The following GRIN2A variants were observed in gnomAD, a reference collection of about 807,000 sequenced individuals.
GRIN2A encodes glutamate ionotropic receptor NMDA type subunit 2A.
GRIN2A carries 22 observed loss-of-function variants against 113.4 expected under a neutral mutation model. The ratio of observed to expected loss-of-function variants is 0.19; its 90% CI spans 0.14 to 0.28. GRIN2A has a LOEUF of 0.28. Ranked by LOEUF, GRIN2A falls within the 10% of genes least tolerant of loss-of-function variation. GRIN2A has a pLI of 1.00. For synonymous variants in GRIN2A, 827 were observed against 738.4 expected (o/e 1.12, Z -1.94); for missense variants, 1,502 against 1,887.0 (o/e 0.80, Z 3.78).
In GRIN2A at chr16:9,801,760, C is replaced by T. The variant is rs1329168438; in HGVS notation, c.2169-3296G>A. ...TACACATTGGCATGACTGGGGTGGG[C>T]TGGTGGTCATGCTGTCAGAGGGGTC... On this transcript the variant is annotated intron_variant, in intron 10 of 12. Transcript: ENST00000330684. Among the ~76,000 whole-genome samples, 5 of 152,194 alleles carry T rather than the reference C, an allele frequency of 3.3e-5. No individual in the cohort carries two copies. In the East Asian group the frequency reaches 9.6e-4, roughly 29 times the overall value.
At chr16:10,045,535 G>A (rs549820904) in intron 2 of GRIN2A, among the ~76,000 whole-genome samples, 1 of 152,292 alleles carries the variant, frequency 6.6e-6, no homozygotes, top group Admixed American at 6.5e-5. Flanking sequence ...AATCCTGACT[G>A]ATCTTCTGCC....
chr16:9,798,488 G>A (rs529918738), intron 10 of GRIN2A, 24 bp from the exon 11 acceptor site: 6 of 1,606,808 alleles, frequency 3.7e-6, no homozygotes, highest in African/African-American at 2.7e-5. Context: ...AAACCAGGGG[G>A]TCATAGGGGT....
At chr16:10,093,844 C>T (rs2048233000) in intron 2 of GRIN2A, among the ~76,000 whole-genome samples, 1 of 152,120 alleles carries the variant, frequency 6.6e-6, no homozygotes, top group African/African-American at 2.4e-5. Context: ...GGCTTTTGCC[C>T]AGGGTGTCTA....
rs2047089877 is a variant in GRIN2A, at chr16:10,038,983, C to G, written c.415-100432G>C. ...AGTGTCACCTCCTCCAGGAAGCCCC[C>G]TGGCCCCCTCATCCCCCAAACAGCA... On this transcript the variant is annotated intron_variant, in intron 2 of 12. Transcript: ENST00000330684. Among the ~76,000 whole-genome samples, 4 of 152,290 alleles carry G rather than the reference C, an allele frequency of 2.6e-5. No homozygotes were observed. The South Asian group carries it at 8.3e-4, about 32-fold the overall frequency.
At chr16:9,906,029 C>A (rs1435877543) in intron 3 of GRIN2A, among the ~76,000 whole-genome samples, 2 of 152,180 alleles carry the variant, frequency 1.3e-5, no homozygotes, top group Non-Finnish European at 2.9e-5. Flanking sequence ...GCTAATCAGG[C>A]TTTATTTCTG....
intron 2 of GRIN2A, among the ~76,000 whole-genome samples, chr16:10,031,151 C>T (rs187881237): frequency 6.6e-6 from 1 of 152,292 alleles, no homozygotes; most frequent in East Asian, 1.9e-4. Flanking sequence ...TTCTCACCCT[C>T]TAAATAAAAT....
intron 2 of GRIN2A, among the ~76,000 whole-genome samples, chr16:9,990,561 G>GCACACACACACA (rs776273740): frequency 7.8e-6 from 1 of 128,678 alleles, no homozygotes; most frequent in Non-Finnish European, 1.7e-5. Context: ...GCGCGCGCGC[G>GCACACACACACA]CGCACACACA....
chr16:10,142,076 C>G (rs1386243564), intron 2 of GRIN2A, among the ~76,000 whole-genome samples: 7 of 152,186 alleles, frequency 4.6e-5, no homozygotes, highest in Non-Finnish European at 8.8e-5. Flanking sequence ...TTCTTCCAGG[C>G]TACCTGTTCT....
At chr16:10,026,982 G>A (rs112118109) in intron 2 of GRIN2A, among the ~76,000 whole-genome samples, 17 of 152,106 alleles carry the variant, frequency 1.1e-4, no homozygotes, top group African/African-American at 4.1e-4. Flanking sequence ...AAACCCCATC[G>A]CACCACCACC....
At chr16:10,098,723 T>A (rs1269265723) in intron 2 of GRIN2A, among the ~76,000 whole-genome samples, 1 of 152,110 alleles carries the variant, frequency 6.6e-6, no homozygotes, top group Non-Finnish European at 1.5e-5. Context: ...AACCAAACAT[T>A]GTATGTTCTC....
intron 2 of GRIN2A, among the ~76,000 whole-genome samples, chr16:10,102,996 C>T (rs1337644103): frequency 6.6e-6 from 1 of 152,184 alleles, no homozygotes; most frequent in Non-Finnish European, 1.5e-5. Flanking sequence ...TCTGTGCCAT[C>T]CCCTATGGTA....
intron 2 of GRIN2A, among the ~76,000 whole-genome samples, chr16:10,131,262 G>T (rs560291557): frequency 6.6e-6 from 1 of 152,254 alleles, no homozygotes; most frequent in African/African-American, 2.4e-5. Flanking sequence ...ATGTAGAGTG[G>T]GCTGTAGTAG....
chr16:10,070,573 C>A (rs1048625228), intron 2 of GRIN2A, among the ~76,000 whole-genome samples: 3 of 152,134 alleles, frequency 2.0e-5, no homozygotes, highest in Non-Finnish European at 2.9e-5. Context: ...ACTTCAAGGG[C>A]TGCTTGAAGC....
At chr16:9,846,808 G>C (rs980691832) in intron 5 of GRIN2A, among the ~76,000 whole-genome samples, 1 of 152,152 alleles carries the variant, frequency 6.6e-6, no homozygotes, top group African/African-American at 2.4e-5. Flanking sequence ...GATCAGAAAA[G>C]ACTCAGAAAA....
intron 2 of GRIN2A, among the ~76,000 whole-genome samples, chr16:10,053,606 T>C (rs2047395426): frequency 6.6e-6 from 1 of 152,182 alleles, no homozygotes; most frequent in Admixed American, 6.5e-5. Context: ...AATGTTGCAC[T>C]AAGGTGGATT....
At chr16:9,944,344 A>C (rs917224717) in intron 2 of GRIN2A, among the ~76,000 whole-genome samples, 6 of 152,186 alleles carry the variant, frequency 3.9e-5, no homozygotes, top group Admixed American at 6.5e-5. Context: ...CTGAGGATTC[A>C]GATGGATAGC....
intron 10 of GRIN2A, among the ~76,000 whole-genome samples, chr16:9,804,924 A>G (rs2041935818): frequency 6.6e-6 from 1 of 152,260 alleles, no homozygotes; most frequent in Non-Finnish European, 1.5e-5. Context: ...TTAGCAAAGA[A>G]GCAAGGTAAG....
chr16:10,168,052 G>A (rs2049961892), intron 2 of GRIN2A, among the ~76,000 whole-genome samples: 1 of 152,128 alleles, frequency 6.6e-6, no homozygotes, highest in African/African-American at 2.4e-5. Flanking sequence ...ACTTTATTAA[G>A]TAATAATGAT....
At chr16:9,905,882 C>T (rs749198755) in intron 3 of GRIN2A, among the ~76,000 whole-genome samples, 2 of 152,170 alleles carry the variant, frequency 1.3e-5, no homozygotes, top group South Asian at 2.1e-4. Context: ...GACTCTCCTT[C>T]GTCGAGGAAT....
Sources: gnomAD v4.1 joint callset for allele counts (sites outside exome capture counted in the v4.1 genomes callset) on GRCh38, gnomAD v4.1.1 for gene constraint, MANE v1.5 for transcripts, NCBI Gene and HGNC (gene_info 2026-07-23, HGNC 2026-07-21) for gene names.